Variants in STT3B observed in about 807,000 individuals in gnomAD.
The protein encoded by STT3B is dolichyl-diphosphooligosaccharide--protein glycosyltransferase subunit STT3B.
In STT3B, 29 loss-of-function variants were observed where a neutral mutation model predicts 96.8. The ratio of observed to expected loss-of-function variants is 0.30; its 90% CI spans 0.22 to 0.41. The LOEUF (loss-of-function observed/expected upper bound fraction) is 0.41, where lower values mean the gene tolerates loss of function less well. STT3B is among the 10% of genes least tolerant of loss of function. STT3B has a pLI of 1.00. For missense variants in STT3B, 640 were observed against 1,022.3 expected, an observed-to-expected ratio of 0.63 and a Z score of 5.10; for synonymous variants, 367 against 360.0, an observed-to-expected ratio of 1.02 and a Z score of -0.22.
chr3:31,635,356 A>G (rs1000713127), intron 15 of STT3B, among the ~76,000 whole-genome samples: 7 of 152,248 alleles, frequency 4.6e-5, no homozygotes, highest in African/African-American at 1.7e-4. Flanking sequence ...GGAAACGTCT[A>G]TTGAAAGTAT....
At chr3:31,559,260 C>T in intron 1 of STT3B, among the ~76,000 whole-genome samples, 1 of 142,914 alleles carries the variant, frequency 7.0e-6, no homozygotes. Context: ...TTGGTTTGTT[C>T]TTTTCTAGCT....
intron 15 of STT3B, among the ~76,000 whole-genome samples, chr3:31,634,035 A>AT (rs1208534486): frequency 2.0e-5 from 3 of 152,210 alleles, no homozygotes; most frequent in African/African-American, 7.2e-5. Flanking sequence ...AATTTGTACT[A>AT]TAAAAGTGCT....
At chr3:31,543,275 G>A (rs1486834085) in intron 1 of STT3B, among the ~76,000 whole-genome samples, 1 of 152,132 alleles carries the variant, frequency 6.6e-6, no homozygotes. Flanking sequence ...AAACACTCAA[G>A]GAGACTTAAG....
chr3:31,623,560 T>C, intron 10 of STT3B, 114 bp from the exon 11 acceptor site: 1 of 765,044 alleles, frequency 1.3e-6, no homozygotes, highest in African/African-American at 1.8e-5. Flanking sequence ...ATACATTTTC[T>C]GAGTCATAGA....
intron 1 of STT3B, among the ~76,000 whole-genome samples, chr3:31,573,329 C>T (rs1020851793): frequency 6.6e-6 from 1 of 152,136 alleles, no homozygotes; most frequent in Non-Finnish European, 1.5e-5. Flanking sequence ...GAACTTCCTT[C>T]TTGTGGCAGA....
At chr3:31,578,466 A>G (rs938397608) in intron 2 of STT3B, among the ~76,000 whole-genome samples, 2 of 152,100 alleles carry the variant, frequency 1.3e-5, no homozygotes, top group South Asian at 2.1e-4. Flanking sequence ...TAGTACTTCT[A>G]TGAATCTTGG....
At chr3:31,552,993 A>G (rs1249155242) in intron 1 of STT3B, among the ~76,000 whole-genome samples, 1 of 151,232 alleles carries the variant, frequency 6.6e-6, no homozygotes, top group Non-Finnish European at 1.5e-5. Flanking sequence ...TCCCAGCTAC[A>G]CGGGAGGCTG....
intron 3 of STT3B, among the ~76,000 whole-genome samples, chr3:31,591,136 T>A (rs1446610927): frequency 6.6e-6 from 1 of 152,108 alleles, no homozygotes; most frequent in African/African-American, 2.4e-5. Context: ...TCCTGCTTTA[T>A]ATATTTTAAG....
intron 7 of STT3B, 90 bp from the exon 8 acceptor site, chr3:31,617,846 GTCTA>G (rs971096248): frequency 4.9e-5 from 42 of 862,488 alleles, no homozygotes; most frequent in Non-Finnish European, 7.7e-6. Context: ...ACATTAGTTT[GTCTA>G]TCTATAATTA....
chr3:31,584,942 C>G (rs773614930), intron 3 of STT3B, among the ~76,000 whole-genome samples: 1 of 152,052 alleles, frequency 6.6e-6, no homozygotes, highest in Non-Finnish European at 1.5e-5. Flanking sequence ...AATTACAGTT[C>G]TAACTACTAT....
At chr3:31,583,908 A>T (rs188090076) in intron 3 of STT3B, among the ~76,000 whole-genome samples, 1 of 152,098 alleles carries the variant, frequency 6.6e-6, no homozygotes, top group East Asian at 1.9e-4. Flanking sequence ...CCTTTGCATG[A>T]ATTTTAAATT....
intron 3 of STT3B, among the ~76,000 whole-genome samples, chr3:31,592,998 G>T (rs11129455): frequency 0.92 from 140,098 of 152,182 alleles, 64,660 homozygotes; most frequent in East Asian, 0.96. Context: ...CAATCAGTGA[G>T]CAGAGTGCAG....
intron 9 of STT3B, among the ~76,000 whole-genome samples, chr3:31,620,650 C>T (rs911622587): frequency 6.6e-6 from 1 of 152,048 alleles, no homozygotes; most frequent in African/African-American, 2.4e-5. Context: ...TATAAGTGGA[C>T]AAAATAAGCA....
At chr3:31,635,597 G>C (rs1201926633) in intron 15 of STT3B, among the ~76,000 whole-genome samples, 1 of 152,088 alleles carries the variant, frequency 6.6e-6, no homozygotes, top group Non-Finnish European at 1.5e-5. Context: ...GTGTTTTTCT[G>C]GCACACACCT....
chr3:31,565,926 A>T lies in STT3B; in HGVS notation c.315-10470A>T, dbSNP rs138435780. 4.7e-3 allele frequency among the ~76,000 whole-genome samples: 717 copies of T among 152,170 alleles called. 7 individuals carry two copies. The highest frequency in any genetic ancestry group is 0.016 in the African/African-American group (654 of 41,522). Reference sequence around the variant, plus strand: ...TCAAAGTTGCATCTTAACAGATCTTAAGAGAACTACACCAGTGGTTTTTGT... The same window carrying T: ...TCAAAGTTGCATCTTAACAGATCTTTAGAGAACTACACCAGTGGTTTTTGT... On this transcript the variant is annotated intron_variant, in intron 1 of 15. Transcript: ENST00000295770.
intron 5 of STT3B, among the ~76,000 whole-genome samples, chr3:31,605,909 C>T (rs1356943736): frequency 2.6e-5 from 4 of 152,138 alleles, no homozygotes; most frequent in Non-Finnish European, 5.9e-5. Flanking sequence ...GACCAAAATG[C>T]TCATAATGAT....
chr3:31,626,501 T>G (rs932216776), intron 13 of STT3B, among the ~76,000 whole-genome samples: 2 of 152,102 alleles, frequency 1.3e-5, no homozygotes, highest in Admixed American at 6.5e-5. Context: ...TTGCCTTGTT[T>G]CCTCCCTCCC....
At chr3:31,607,007 G>C (rs568885216) in intron 5 of STT3B, among the ~76,000 whole-genome samples, 1 of 152,276 alleles carries the variant, frequency 6.6e-6, no homozygotes, top group African/African-American at 2.4e-5. Context: ...TTTAAGATTT[G>C]ACTGCCCTGC....
At chr3:31,582,089 A>G (rs1465358624) in intron 3 of STT3B, among the ~76,000 whole-genome samples, 5 of 152,048 alleles carry the variant, frequency 3.3e-5, no homozygotes, top group Non-Finnish European at 5.9e-5. Flanking sequence ...TTTTTACTTA[A>G]TCTAGCCAAA....
Sources: allele counts gnomAD v4.1 joint callset (sites outside exome capture counted in the v4.1 genomes callset), GRCh38; gene constraint gnomAD v4.1.1; transcripts MANE v1.5; gene names NCBI Gene and HGNC (gene_info 2026-07-23, HGNC 2026-07-21).